The following C16orf74 variants were observed in gnomAD, a reference collection of about 807,000 sequenced individuals.
C16orf74 encodes the protein calcimembrin.
In C16orf74, 10 loss-of-function variants were observed where a neutral mutation model predicts 6.5. The ratio of observed to expected loss-of-function variants is 1.54; its 90% CI spans 0.95 to 2.61. The LOEUF (loss-of-function observed/expected upper bound fraction) is 2.61. C16orf74 is among the 30% of genes most tolerant of loss of function. C16orf74 has a pLI of 0.00. For synonymous variants in C16orf74, 60 were observed against 42.5 expected (o/e 1.41, Z -1.60); for missense variants, 141 against 105.9 (o/e 1.33, Z -1.45).
chr16:85,741,917 G>A (rs2054312975), intron 1 of C16orf74, among the ~76,000 whole-genome samples: 3 of 152,116 alleles, frequency 2.0e-5, no homozygotes, highest in African/African-American at 7.2e-5. Flanking sequence ...TTGGATATTT[G>A]TCCCTTCCAA....
chr16:85,744,662 C>T (rs1172411103), intron 1 of C16orf74, among the ~76,000 whole-genome samples: 1 of 151,796 alleles, frequency 6.6e-6, no homozygotes, highest in African/African-American at 2.4e-5. Flanking sequence ...AACCCTGTCT[C>T]TACTAAAAAT....
At chr16:85,715,423 C>A (rs533434514) in intron 2 of C16orf74, among the ~76,000 whole-genome samples, 20 of 152,314 alleles carry the variant, frequency 1.3e-4, no homozygotes, top group African/African-American at 4.3e-4. Context: ...CCACCCACAA[C>A]TGAACAGCTA....
chr16:85,750,542 C>T lies in C16orf74; in HGVS notation c.-19+384G>A, dbSNP rs142665788. ...TGGAAATGGTTCCTCGGGAGGCCTC[C>T]TGCCCCCGCCCCCCGCCGGGCTGCC... On this transcript the variant is annotated intron_variant, in intron 1 of 3. Coordinates refer to ENST00000284245, the MANE Select transcript of C16orf74 (RefSeq NM_206967.3). 3.2e-3 allele frequency among the ~76,000 whole-genome samples: 483 copies of T among 152,372 alleles called. 2 individuals carry two copies. Among genetic ancestry groups the T allele is most frequent in the African/African-American group, 0.011 (440 of 41,596 alleles).
At chr16:85,750,185 T>A (rs950719669) in intron 1 of C16orf74, among the ~76,000 whole-genome samples, 1 of 152,050 alleles carries the variant, frequency 6.6e-6, no homozygotes, top group African/African-American at 2.4e-5. Flanking sequence ...CAGCCTTCCC[T>A]TCCTCCCTCT....
At chr16:85,714,083 G>A (rs982480878) in intron 2 of C16orf74, among the ~76,000 whole-genome samples, 1 of 152,142 alleles carries the variant, frequency 6.6e-6, no homozygotes, top group South Asian at 2.1e-4. Flanking sequence ...GTGTGCCCCC[G>A]CCCCACTTCT....
chr16:85,745,139 TAAAAAAAAAAAAAAAA>T (rs10554549), intron 1 of C16orf74, among the ~76,000 whole-genome samples: 1 of 50,994 alleles, frequency 2.0e-5, no homozygotes. Context: ...AAACTCTGTC[TAAAAAAAAAAAAAAAA>T]AAAAAAAAAA....
In C16orf74 at chr16:85,722,436, G is replaced by T. The variant is rs116157904; in HGVS notation, c.29-12129C>A. Among the ~76,000 whole-genome samples, 762 of 152,340 alleles carry T rather than the reference G, an allele frequency of 5.0e-3. 7 individuals carry two copies. The highest frequency in any genetic ancestry group is 0.018 in the African/African-American group (736 of 41,580). Reference sequence around the variant, plus strand: ...GAAGCTGGGAAAGGCCGCAGCCAGAGAGCGGAGCAGACTGAAGGCTGGGCT... The same window carrying T: ...GAAGCTGGGAAAGGCCGCAGCCAGATAGCGGAGCAGACTGAAGGCTGGGCT... On this transcript the variant is annotated intron_variant, in intron 2 of 3. Coordinates refer to ENST00000284245, the MANE Select transcript of C16orf74 (RefSeq NM_206967.3).
chr16:85,716,481 A>G (rs2054025141), intron 2 of C16orf74, among the ~76,000 whole-genome samples: 1 of 106,780 alleles, frequency 9.4e-6, no homozygotes, highest in Non-Finnish European at 1.9e-5. Context: ...GGAGGAGGAG[A>G]GAGGGGACGA....
chr16:85,725,412 C>G (rs1249294566), intron 2 of C16orf74, among the ~76,000 whole-genome samples: 1 of 152,200 alleles, frequency 6.6e-6, no homozygotes, highest in Non-Finnish European at 1.5e-5. Context: ...CTGGACCACC[C>G]AGGGGAATCA....
intron 1 of C16orf74, among the ~76,000 whole-genome samples, chr16:85,750,066 C>G (rs1205271535): frequency 6.6e-6 from 1 of 152,200 alleles, no homozygotes; most frequent in Non-Finnish European, 1.5e-5. Context: ...GCAGGAAACG[C>G]CAGAGCCTGT....
chr16:85,750,603 C>G (rs1034234512), intron 1 of C16orf74, among the ~76,000 whole-genome samples: 6 of 152,242 alleles, frequency 3.9e-5, no homozygotes, highest in African/African-American at 1.4e-4. Flanking sequence ...GGTCCATTCC[C>G]AAGGAACTCG....
At chr16:85,733,616 G>T (rs531681418) in intron 2 of C16orf74, among the ~76,000 whole-genome samples, 1 of 152,154 alleles carries the variant, frequency 6.6e-6, no homozygotes. Flanking sequence ...AGGCACTGGG[G>T]AACTCATGTC....
chr16:85,722,786 G>A (rs1289709991), intron 2 of C16orf74, among the ~76,000 whole-genome samples: 1 of 152,278 alleles, frequency 6.6e-6, no homozygotes, highest in Non-Finnish European at 1.5e-5. Context: ...CCAGTGTTGA[G>A]AAGAGACAAG....
At chr16:85,713,889 G>C (rs147651801) in intron 2 of C16orf74, among the ~76,000 whole-genome samples, 16 of 152,186 alleles carry the variant, frequency 1.1e-4, no homozygotes, top group Non-Finnish European at 7.3e-5. Context: ...TGGGACCCTC[G>C]TGGGATCTGC....
At chr16:85,725,176 C>T (rs1335295989) in intron 2 of C16orf74, among the ~76,000 whole-genome samples, 2 of 152,190 alleles carry the variant, frequency 1.3e-5, no homozygotes, top group Non-Finnish European at 2.9e-5. Flanking sequence ...TTAAAACAGG[C>T]TTTGATGATC....
At chr16:85,716,764 C>T (rs1397770800) in intron 2 of C16orf74, among the ~76,000 whole-genome samples, 4 of 151,962 alleles carry the variant, frequency 2.6e-5, no homozygotes, top group African/African-American at 9.7e-5. Context: ...CTCACATCCC[C>T]AGGGCCTGCC....
At chr16:85,720,807 G>A (rs918013293) in intron 2 of C16orf74, among the ~76,000 whole-genome samples, 6 of 150,338 alleles carry the variant, frequency 4.0e-5, no homozygotes, top group South Asian at 2.1e-4. Context: ...TGGGGGTGGC[G>A]CTGGGCGTGG....
At chr16:85,726,729 C>T (rs1389077479) in intron 2 of C16orf74, among the ~76,000 whole-genome samples, 1 of 152,170 alleles carries the variant, frequency 6.6e-6, no homozygotes, top group Non-Finnish European at 1.5e-5. Flanking sequence ...TTTTCTCACC[C>T]TCCCATTTCA....
At chr16:85,736,626 G>C (rs2054247621) in intron 1 of C16orf74, among the ~76,000 whole-genome samples, 1 of 152,144 alleles carries the variant, frequency 6.6e-6, no homozygotes, top group Admixed American at 6.5e-5. Context: ...GCGTATGAAA[G>C]GCAGCCATTC....
Sources: gnomAD v4.1 joint callset for allele counts (sites outside exome capture counted in the v4.1 genomes callset) on GRCh38, gnomAD v4.1.1 for gene constraint, MANE v1.5 for transcripts, NCBI Gene and HGNC (gene_info 2026-07-23, HGNC 2026-07-21) for gene names.